The following LRFN5 variants were observed in gnomAD, a reference collection of about 807,000 sequenced individuals.
LRFN5 encodes the protein leucine-rich repeat and fibronectin type-III domain-containing protein 5.
LRFN5 carries 24 observed loss-of-function variants against 45.6 expected under a neutral mutation model. The ratio of observed to expected loss-of-function variants is 0.53; its 90% confidence interval spans 0.38 to 0.74. The LOEUF (loss-of-function observed/expected upper bound fraction) is 0.74. Ranked by LOEUF, LRFN5 falls within the 30% of genes least tolerant of loss-of-function variation. LRFN5 has a pLI of 0.00. For synonymous variants in LRFN5, 340 were observed against 313.8 expected, an observed-to-expected ratio of 1.08 and a Z score of -0.88; for missense variants, 776 against 861.5, an observed-to-expected ratio of 0.90 and a Z score of 1.24.
At chr14:41,899,507 G>T (rs769422285) in intron 5 of LRFN5, among the ~76,000 whole-genome samples, 2 of 152,036 alleles carry the variant, frequency 1.3e-5, no homozygotes, top group Admixed American at 6.6e-5. Context: ...TTCTTGAGTG[G>T]TTTTTTTAGG....
intron 1 of LRFN5, among the ~76,000 whole-genome samples, chr14:41,654,970 A>T (rs1403427697): frequency 6.6e-6 from 1 of 152,042 alleles, no homozygotes; most frequent in African/African-American, 2.4e-5. Context: ...TACTTTTGTG[A>T]TTCACATAAG....
At chr14:41,760,962 A>G (rs567765317) in intron 1 of LRFN5, among the ~76,000 whole-genome samples, 1 of 152,156 alleles carries the variant, frequency 6.6e-6, no homozygotes, top group Non-Finnish European at 1.5e-5. Flanking sequence ...TTGGACTAAT[A>G]AAGATTTGCC....
intron 2 of LRFN5, among the ~76,000 whole-genome samples, chr14:41,861,496 G>A (rs112667696): frequency 0.01 from 1,586 of 152,138 alleles, 26 homozygotes; most frequent in African/African-American, 0.037. Context: ...TAAGCATCCC[G>A]GTTTTAAAAG....
At chr14:41,864,976 C>A (rs1044491306) in intron 2 of LRFN5, among the ~76,000 whole-genome samples, 1 of 151,942 alleles carries the variant, frequency 6.6e-6, no homozygotes, top group African/African-American at 2.4e-5. Flanking sequence ...TTTTAGGCAG[C>A]AAACCACATC....
chr14:41,886,502 T>C lies in LRFN5; in HGVS notation c.-20-104T>C, dbSNP rs1178150358. ...ATACTTGTTAAGCAAACAAGTGAAA[T>C]TATTTCTCTATTCTAGATTGCATAC... On this transcript the variant is annotated intron_variant, in intron 2 of 5. Coordinates refer to ENST00000298119, the MANE Select transcript of LRFN5 (RefSeq NM_152447.5). The C allele has an allele frequency of 5.1e-6, 4 of 781,982 alleles. No individual in the cohort carries two copies. In the Admixed American group the frequency reaches 1.4e-4, roughly 27 times the overall value. The allele number at this position is 781,982 out of a possible 1,614,324, so 48.4% of individuals were successfully genotyped here.
At chr14:41,709,108 A>G (rs74046631) in intron 1 of LRFN5, among the ~76,000 whole-genome samples, 3,728 of 152,118 alleles carry the variant, frequency 0.025, 42 homozygotes, top group Middle Eastern at 0.037. Context: ...ACTTAGGCAC[A>G]GTTCATGTAA....
intron 2 of LRFN5, among the ~76,000 whole-genome samples, chr14:41,792,733 A>G (rs1044992586): frequency 6.6e-6 from 1 of 151,968 alleles, no homozygotes; most frequent in African/African-American, 2.4e-5. Flanking sequence ...TCTTTTTCAA[A>G]GTGCACTGAT....
At chr14:41,884,522 G>A (rs547386424) in intron 2 of LRFN5, among the ~76,000 whole-genome samples, 7 of 152,278 alleles carry the variant, frequency 4.6e-5, no homozygotes, top group East Asian at 3.9e-4. Context: ...AGTGAGATAC[G>A]GGGTTTGATT....
At chr14:41,803,691 A>T (rs1017629727) in intron 2 of LRFN5, among the ~76,000 whole-genome samples, 7 of 152,092 alleles carry the variant, frequency 4.6e-5, no homozygotes, top group Non-Finnish European at 1.0e-4. Context: ...CATTTTTGTC[A>T]TTATATGCTT....
chr14:41,899,121 G>T (rs1183678160), intron 5 of LRFN5, among the ~76,000 whole-genome samples, 161 bp downstream of exon 5: 1 of 152,078 alleles, frequency 6.6e-6, no homozygotes, highest in South Asian at 2.1e-4. Flanking sequence ...AGTTTAGTTT[G>T]ATTAAGTGAA....
intron 2 of LRFN5, among the ~76,000 whole-genome samples, chr14:41,794,117 A>G (rs1887034451): frequency 6.6e-6 from 1 of 152,000 alleles, no homozygotes. Flanking sequence ...CCCACAAATG[A>G]TGAAAATAAT....
At chr14:41,825,790 A>T (rs36024104) in intron 2 of LRFN5, among the ~76,000 whole-genome samples, 1 of 151,962 alleles carries the variant, frequency 6.6e-6, no homozygotes, top group African/African-American at 2.4e-5. Context: ...GCTCAGTGCA[A>T]TGCCCTCAAG....
chr14:41,787,647 T>C (rs1886773924), intron 2 of LRFN5, among the ~76,000 whole-genome samples: 1 of 152,032 alleles, frequency 6.6e-6, no homozygotes, highest in Non-Finnish European at 1.5e-5. Flanking sequence ...TTCATAAATA[T>C]TTTATTTCAT....
intron 2 of LRFN5, among the ~76,000 whole-genome samples, chr14:41,781,645 A>C (rs1315566313): frequency 6.7e-6 from 1 of 150,016 alleles, no homozygotes; most frequent in Non-Finnish European, 1.5e-5. Context: ...GAAAGAAAGA[A>C]AGAGAAAGAA....
chr14:41,793,164 A>C (rs1053332353), intron 2 of LRFN5, among the ~76,000 whole-genome samples: 1 of 152,020 alleles, frequency 6.6e-6, no homozygotes, highest in Non-Finnish European at 1.5e-5. Flanking sequence ...AAAAAAGAAA[A>C]AAAAAGTATT....
intron 2 of LRFN5, among the ~76,000 whole-genome samples, chr14:41,811,683 T>C (rs1009902237): frequency 1.3e-5 from 2 of 152,054 alleles, no homozygotes; most frequent in African/African-American, 2.4e-5. Flanking sequence ...TATTATAAGA[T>C]TCCATTGGTA....
At chr14:41,895,503 T>C (rs1370853158) in intron 4 of LRFN5, among the ~76,000 whole-genome samples, 2 of 151,956 alleles carry the variant, frequency 1.3e-5, no homozygotes, top group Admixed American at 6.6e-5. Context: ...TAGGAATCTG[T>C]AGTCCCAGCT....
chr14:41,770,827 C>T (rs955302821), intron 2 of LRFN5, among the ~76,000 whole-genome samples: 1 of 152,138 alleles, frequency 6.6e-6, no homozygotes, highest in African/African-American at 2.4e-5. Context: ...AGACAGTGTC[C>T]TGGTGGAGAC....
intron 2 of LRFN5, among the ~76,000 whole-genome samples, chr14:41,805,654 T>C (rs1448013621): frequency 6.6e-6 from 1 of 151,228 alleles, no homozygotes; most frequent in Non-Finnish European, 1.5e-5. Flanking sequence ...AATATAATGA[T>C]GAGTTCATGT....
Sources: allele counts gnomAD v4.1 joint callset (sites outside exome capture counted in the v4.1 genomes callset), GRCh38; gene constraint gnomAD v4.1.1; transcripts MANE v1.5; gene names NCBI Gene and HGNC (gene_info 2026-07-23, HGNC 2026-07-21).